The following BMPR1A variants were observed in gnomAD, a reference collection of about 807,000 sequenced individuals.
BMPR1A encodes the protein bone morphogenetic protein receptor type 1A.
Under a neutral mutation model 66.0 loss-of-function variants are expected in BMPR1A, and 7 were observed. The observed-to-expected ratio is 0.11, with a 90% CI of 0.06 to 0.20. The LOEUF (loss-of-function observed/expected upper bound fraction) is 0.20, where lower values mean the gene tolerates loss of function less well. Among genes scored for constraint, BMPR1A ranks in the 10% least tolerant of loss-of-function variants. BMPR1A has a pLI of 1.00. For missense variants in BMPR1A, 408 were observed against 669.1 expected (o/e 0.61, Z 4.31); for synonymous variants, 200 against 229.7 (o/e 0.87, Z 1.17).
At chr10:86,909,280 C>A (rs1433118814) in intron 7 of BMPR1A, among the ~76,000 whole-genome samples, 1 of 152,086 alleles carries the variant, frequency 6.6e-6, no homozygotes, top group Non-Finnish European at 1.5e-5. Context: ...CTTAAAATGT[C>A]AATGTAAGGA....
At position 86,904,928 on chromosome 10, in the gene BMPR1A, T is replaced by C. The variant is rs530903117; in HGVS notation, c.530+4802T>C. Among the ~76,000 whole-genome samples the C allele has an allele frequency of 2.0e-5, 3 of 152,354 alleles. No individual in the cohort carries two copies. The South Asian group carries it at 6.2e-4, about 32-fold the overall frequency. On this transcript the variant is annotated intron_variant, in intron 7 of 12. Coordinates refer to ENST00000372037, the MANE Select transcript of BMPR1A (RefSeq NM_004329.3). ...TAGTTCAGTCTGTGAAGATTCATTA[T>C]TGATCAGATATATACAATCTGTAAT...
At chr10:86,877,429 G>A (rs899264795) in intron 3 of BMPR1A, among the ~76,000 whole-genome samples, 3 of 152,016 alleles carry the variant, frequency 2.0e-5, no homozygotes, top group Non-Finnish European at 2.9e-5. Flanking sequence ...GGATGGTCTC[G>A]ATCTCCTGAC....
chr10:86,781,089 G>C (rs762510596), intron 1 of BMPR1A, among the ~76,000 whole-genome samples: 2 of 151,872 alleles, frequency 1.3e-5, no homozygotes, highest in Non-Finnish European at 2.9e-5. Flanking sequence ...CTCTTGACCT[G>C]GTGATCCGCC....
At chr10:86,781,668 C>G (rs1217857204) in intron 1 of BMPR1A, among the ~76,000 whole-genome samples, 4 of 152,126 alleles carry the variant, frequency 2.6e-5, no homozygotes, top group East Asian at 3.9e-4. Context: ...GAGCAACTCC[C>G]TATTTCCCTC....
At chr10:86,767,246 C>A (rs925176088) in intron 1 of BMPR1A, among the ~76,000 whole-genome samples, 8 of 152,202 alleles carry the variant, frequency 5.3e-5, no homozygotes, top group African/African-American at 1.7e-4. Context: ...CTTATACTCT[C>A]AACTTGTTAT....
intron 4 of BMPR1A, among the ~76,000 whole-genome samples, chr10:86,891,066 T>C (rs1843143389): frequency 6.6e-6 from 1 of 152,218 alleles, no homozygotes; most frequent in African/African-American, 2.4e-5. Flanking sequence ...TAATTGTATG[T>C]TCCCTGAATG....
At chr10:86,778,930 T>TC (rs953025087) in intron 1 of BMPR1A, among the ~76,000 whole-genome samples, 8 of 149,072 alleles carry the variant, frequency 5.4e-5, no homozygotes, top group African/African-American at 2.0e-4. Context: ...GTATTTTCTT[T>TC]TTTTTTTTTT....
chr10:86,818,370 G>T (rs1427997326), intron 1 of BMPR1A, among the ~76,000 whole-genome samples: 1 of 152,094 alleles, frequency 6.6e-6, no homozygotes, highest in Non-Finnish European at 1.5e-5. Context: ...TTTTAGCTCA[G>T]GTTTTTTTGT....
At chr10:86,765,342 C>T (rs1270940951) in intron 1 of BMPR1A, among the ~76,000 whole-genome samples, 2 of 151,558 alleles carry the variant, frequency 1.3e-5, no homozygotes, top group South Asian at 2.1e-4. Flanking sequence ...AAAAATTAGC[C>T]GGGTGTGGTG....
chr10:86,840,660 T>G (rs1317041053), intron 2 of BMPR1A, among the ~76,000 whole-genome samples: 1 of 152,176 alleles, frequency 6.6e-6, no homozygotes, highest in South Asian at 2.1e-4. Flanking sequence ...TACAGATGGC[T>G]CAGCTTAGTG....
chr10:86,803,402 G>C (rs967507093), intron 1 of BMPR1A, among the ~76,000 whole-genome samples: 1 of 152,040 alleles, frequency 6.6e-6, no homozygotes, highest in Admixed American at 6.6e-5. Context: ...ATTTACATCA[G>C]CCACATTTTT....
chr10:86,921,889 T>A (rs932773283), intron 11 of BMPR1A, among the ~76,000 whole-genome samples, 194 bp downstream of exon 11: 4 of 152,238 alleles, frequency 2.6e-5, no homozygotes, highest in African/African-American at 9.6e-5. Flanking sequence ...TATCTGTCCC[T>A]TCAGACATTT....
intron 2 of BMPR1A, among the ~76,000 whole-genome samples, chr10:86,852,458 CAG>C (rs1342439790): frequency 6.6e-6 from 1 of 152,124 alleles, no homozygotes. Flanking sequence ...AGCCCCTACT[CAG>C]AAAGCTGAGA....
chr10:86,838,770 G>C (rs1388482244), intron 1 of BMPR1A, 95 bp from the exon 2 acceptor site: 3 of 152,072 alleles, frequency 2.0e-5, no homozygotes, highest in Non-Finnish European at 2.9e-5. Flanking sequence ...AAAATGTATA[G>C]TTGTACATGC....
At chr10:86,905,744 G>A (rs1441838216) in intron 7 of BMPR1A, among the ~76,000 whole-genome samples, 1 of 151,460 alleles carries the variant, frequency 6.6e-6, no homozygotes, top group African/African-American at 2.4e-5. Context: ...GTCTTTAGGG[G>A]ACTCCTGGTC....
chr10:86,841,819 T>C (rs749290971), intron 2 of BMPR1A, among the ~76,000 whole-genome samples: 4 of 152,126 alleles, frequency 2.6e-5, no homozygotes, highest in Admixed American at 6.5e-5. Flanking sequence ...GAAGGTTAAG[T>C]TGATCACCAG....
At chr10:86,804,582 A>G (rs909746872) in intron 1 of BMPR1A, among the ~76,000 whole-genome samples, 8 of 152,168 alleles carry the variant, frequency 5.3e-5, no homozygotes, top group African/African-American at 1.9e-4. Context: ...GGTCTGAGGT[A>G]CTGGGGATTA....
intron 1 of BMPR1A, among the ~76,000 whole-genome samples, chr10:86,810,973 C>T (rs556377477): frequency 6.6e-6 from 1 of 152,282 alleles, no homozygotes; most frequent in Non-Finnish European, 1.5e-5. Flanking sequence ...TCTTAAACTC[C>T]TGATCTCAGG....
chr10:86,916,719 T>A (rs1206095732), intron 8 of BMPR1A, among the ~76,000 whole-genome samples: 1 of 152,186 alleles, frequency 6.6e-6, no homozygotes, highest in Non-Finnish European at 1.5e-5. Flanking sequence ...CCGGGCATGG[T>A]GGCTCACGCC....
Sources: gnomAD v4.1 joint callset for allele counts (sites outside exome capture counted in the v4.1 genomes callset) on GRCh38, gnomAD v4.1.1 for gene constraint, MANE v1.5 for transcripts, NCBI Gene and HGNC (gene_info 2026-07-23, HGNC 2026-07-21) for gene names.